Variants in CSMD1 observed in about 807,000 individuals in gnomAD.
CSMD1 encodes CUB and Sushi multiple domains 1.
Under a neutral mutation model 417.5 loss-of-function variants are expected in CSMD1, and 213 were observed. The observed-to-expected ratio is 0.51, with a 90% CI of 0.46 to 0.57. The LOEUF (loss-of-function observed/expected upper bound fraction) is 0.57. Ranked by LOEUF, CSMD1 falls within the 20% of genes least tolerant of loss-of-function variation. CSMD1 has a pLI of 0.00. For synonymous variants in CSMD1, 2,862 were observed against 1,736.8 expected (o/e 1.65, Z -16.11); for missense variants, 6,923 against 4,529.7 (o/e 1.53, Z -15.17).
chr8:3,969,918 A>AC (rs1205149797), intron 5 of CSMD1, among the ~76,000 whole-genome samples: 9 of 152,116 alleles, frequency 5.9e-5, no homozygotes, highest in African/African-American at 2.2e-4. Context: ...ACAAACCAAA[A>AC]AAATCCCTCA....
chr8:4,766,930 T>C (rs1812505318), intron 1 of CSMD1, among the ~76,000 whole-genome samples: 1 of 152,210 alleles, frequency 6.6e-6, no homozygotes, highest in Non-Finnish European at 1.5e-5. Context: ...ATTAAAAATA[T>C]GTACAGAGAC....
In CSMD1 at chr8:3,154,067, A is replaced by G. The variant is rs1308339908; in HGVS notation, c.5915-2554T>C. Among the ~76,000 whole-genome samples the G allele has an allele frequency of 2.0e-5, 3 of 152,092 alleles. No homozygotes were observed. In the East Asian group the frequency reaches 5.8e-4, roughly 29 times the overall value. ...CTGCAACCTCCGCCTCCCTGGTTCA[A>G]GTGATTCTCCTGCCTCAGCCTCCCG... On this transcript the variant is annotated intron_variant, in intron 39 of 69. Coordinates refer to ENST00000635120, the MANE Select transcript of CSMD1 (RefSeq NM_033225.6).
chr8:4,100,196 G>T (rs1585312827), intron 3 of CSMD1, among the ~76,000 whole-genome samples: 1 of 152,152 alleles, frequency 6.6e-6, no homozygotes, highest in Non-Finnish European at 1.5e-5. Context: ...TTGGGGAAGG[G>T]TGAGGATTAA....
chr8:4,353,009 C>T (rs1020473944), intron 3 of CSMD1, among the ~76,000 whole-genome samples: 13 of 152,132 alleles, frequency 8.5e-5, no homozygotes, highest in African/African-American at 2.4e-4. Flanking sequence ...CTAATTATTT[C>T]CTCTGGATAC....
At chr8:4,571,820 G>A (rs1483589972) in intron 2 of CSMD1, among the ~76,000 whole-genome samples, 1 of 152,108 alleles carries the variant, frequency 6.6e-6, no homozygotes, top group Non-Finnish European at 1.5e-5. Flanking sequence ...TCTATATTGG[G>A]TGCATATATA....
At chr8:4,687,278 G>A (rs1407216079) in intron 1 of CSMD1, among the ~76,000 whole-genome samples, 1 of 152,236 alleles carries the variant, frequency 6.6e-6, no homozygotes, top group Non-Finnish European at 1.5e-5. Context: ...AGGAGGACAA[G>A]GAGCCTTACT....
intron 5 of CSMD1, among the ~76,000 whole-genome samples, chr8:3,904,355 G>A (rs768320672): frequency 6.6e-6 from 1 of 152,126 alleles, no homozygotes; most frequent in Non-Finnish European, 1.5e-5. Context: ...ATATGTGACA[G>A]ATTCACACTA....
chr8:3,943,902 T>G (rs1045363439), intron 5 of CSMD1, among the ~76,000 whole-genome samples: 1 of 152,134 alleles, frequency 6.6e-6, no homozygotes, highest in Admixed American at 6.6e-5. Flanking sequence ...CAACCTGTGA[T>G]GCTGAATTAG....
At chr8:3,812,679 C>T (rs929583664) in intron 5 of CSMD1, among the ~76,000 whole-genome samples, 11 of 152,280 alleles carry the variant, frequency 7.2e-5, no homozygotes, top group South Asian at 4.1e-4. Flanking sequence ...GAGATTGCAA[C>T]GCATGCAAAT....
chr8:4,482,003 T>C (rs1206009705), intron 2 of CSMD1, among the ~76,000 whole-genome samples: 3 of 152,162 alleles, frequency 2.0e-5, no homozygotes, highest in East Asian at 3.8e-4. Context: ...TACAAGTCTT[T>C]CCAGAGATTT....
In CSMD1 at chr8:2,998,184, G is replaced by A; in HGVS notation, c.8204C>T (p.Pro2735Leu). 1 of 1,613,682 alleles carries A rather than the reference G, an allele frequency of 6.2e-7. No individual in the cohort carries two copies. Among genetic ancestry groups the A allele is most frequent in the South Asian group, 1.1e-5 (1 of 91,064 alleles). Residue 2735 changes from proline (P) to leucine (L), a missense_variant and splice_region_variant, in exon 54 of 70, where the codon CCC (proline) becomes CTC (leucine). Pro to Leu is a moderately conservative substitution (Grantham distance 98). Coordinates refer to ENST00000635120, the MANE Select transcript of CSMD1 (RefSeq NM_033225.6). ...KWSGQTPVCV[P>L]ITCGHPGNPA... ...GTTTCCAGGGTGACCACATGTGATG[G>A]CTGTAGAGAGACAGGTCAACGTCAT...
chr8:3,126,785 G>A (rs1457329953), intron 41 of CSMD1, among the ~76,000 whole-genome samples: 2 of 152,176 alleles, frequency 1.3e-5, no homozygotes, highest in African/African-American at 4.8e-5. Flanking sequence ...TGTTGCAAAA[G>A]TTGTCAGAGT....
intron 23 of CSMD1, among the ~76,000 whole-genome samples, chr8:3,309,297 C>A (rs12056439): frequency 6.6e-6 from 1 of 151,960 alleles, no homozygotes; most frequent in East Asian, 1.9e-4. Context: ...TTCTTCCAAA[C>A]TCCAAGATGT....
At chr8:3,879,836 C>T (rs112222575) in intron 5 of CSMD1, among the ~76,000 whole-genome samples, 8 of 150,630 alleles carry the variant, frequency 5.3e-5, no homozygotes, top group South Asian at 4.2e-4. Flanking sequence ...TGTGCGTGTG[C>T]GTGTGTGTGT....
intron 4 of CSMD1, among the ~76,000 whole-genome samples, chr8:4,000,569 C>T (rs765759823): frequency 1.6e-4 from 25 of 152,334 alleles, no homozygotes; most frequent in Non-Finnish European, 2.9e-4. Context: ...GACTCATACT[C>T]TACGTTGTTT....
chr8:3,068,388 C>CA, intron 49 of CSMD1, among the ~76,000 whole-genome samples: 1 of 152,198 alleles, frequency 6.6e-6, no homozygotes, highest in Middle Eastern at 3.4e-3. Flanking sequence ...GGACTTCTAA[C>CA]AAAAAATCCC....
At position 4,495,530 on chromosome 8, in the gene CSMD1, T is replaced by A. The variant is rs771567734; in HGVS notation, c.303-75465A>T. Among the ~76,000 whole-genome samples the A allele has an allele frequency of 2.0e-5, 3 of 151,986 alleles. No homozygotes were observed. The East Asian group carries it at 5.8e-4, about 30-fold the overall frequency. On this transcript the variant is annotated intron_variant, in intron 2 of 69. Coordinates refer to ENST00000635120, the MANE Select transcript of CSMD1 (RefSeq NM_033225.6). The stretch of plus-strand genomic sequence containing the variant: ...GCAGAAGTTGCAGTGAGCCAGTATC[T>A]CGCCACTGCACTCTAGCCTGGGTGA...
chr8:4,593,534 G>C (rs1254306670), intron 2 of CSMD1, among the ~76,000 whole-genome samples: 2 of 152,078 alleles, frequency 1.3e-5, no homozygotes, highest in African/African-American at 2.4e-5. Context: ...AGCCCATAAA[G>C]TGACTATTTG....
At chr8:4,808,534 A>C (rs1480997000) in intron 1 of CSMD1, among the ~76,000 whole-genome samples, 1 of 152,184 alleles carries the variant, frequency 6.6e-6, no homozygotes, top group Non-Finnish European at 1.5e-5. Context: ...GTGGTAGAAA[A>C]AGGCTTTCAG....
Sources: allele counts gnomAD v4.1 joint callset (sites outside exome capture counted in the v4.1 genomes callset), GRCh38; gene constraint gnomAD v4.1.1; transcripts MANE v1.5; gene names NCBI Gene and HGNC (gene_info 2026-07-23, HGNC 2026-07-21).